PCCA: variants seen among roughly 807,000 people sequenced by gnomAD.
PCCA encodes propionyl-CoA carboxylase subunit alpha.
PCCA carries 74 observed loss-of-function variants against 101.3 expected under a neutral mutation model. The ratio of observed to expected loss-of-function variants is 0.73; its 90% CI spans 0.61 to 0.89. The LOEUF is 0.89. Among genes scored for constraint, PCCA ranks in the 40% least tolerant of loss-of-function variants. The pLI is 0.00. For missense variants in PCCA, 891 were observed against 907.0 expected, an observed-to-expected ratio of 0.98 and a Z score of 0.23; for synonymous variants, 294 against 313.6, an observed-to-expected ratio of 0.94 and a Z score of 0.66.
At chr13:100,312,594 A>G (rs1469118249) in intron 16 of PCCA, among the ~76,000 whole-genome samples, 2 of 152,228 alleles carry the variant, frequency 1.3e-5, no homozygotes, top group Non-Finnish European at 1.5e-5. Flanking sequence ...TCTTTCCTAT[A>G]GAGTTAAAAA....
At chr13:100,189,194 A>G (rs1341886783) in intron 6 of PCCA, among the ~76,000 whole-genome samples, 1 of 152,222 alleles carries the variant, frequency 6.6e-6, no homozygotes, top group African/African-American at 2.4e-5. Context: ...AGCTTCATCC[A>G]TGTCCCTGCA....
intron 19 of PCCA, among the ~76,000 whole-genome samples, chr13:100,418,083 C>G (rs1331557613): frequency 6.6e-6 from 1 of 152,184 alleles, no homozygotes; most frequent in Admixed American, 6.5e-5. Flanking sequence ...TATTTTCTCT[C>G]CATCCACAGA....
chr13:100,237,148 G>A (rs1249456383), intron 8 of PCCA: 1 of 152,220 alleles, frequency 6.6e-6, no homozygotes, highest in Admixed American at 6.5e-5. Context: ...TATTGGTCTG[G>A]AAGTGATCAC....
At chr13:100,327,806 T>C (rs954552032) in intron 16 of PCCA, among the ~76,000 whole-genome samples, 11 of 152,374 alleles carry the variant, frequency 7.2e-5, no homozygotes, top group African/African-American at 2.6e-4. Flanking sequence ...ATAATGATGT[T>C]GAACAATTTT....
At chr13:100,159,834 A>G (rs1030116267) in intron 6 of PCCA, among the ~76,000 whole-genome samples, 2 of 152,050 alleles carry the variant, frequency 1.3e-5, no homozygotes, top group Non-Finnish European at 2.9e-5. Context: ...CCTCCCACCC[A>G]CCGTGTCTAA....
At position 100,329,156 on chromosome 13, in the gene PCCA, C is replaced by T. The variant is rs117280695; in HGVS notation, c.1430-1405C>T. On this transcript the variant is annotated intron_variant, in intron 16 of 23. Transcript: ENST00000376285. Reference sequence around the variant, plus strand: ...CTTAAATAAATATGGTTATGTTATACATCATTTTAATGTACATTTCTCGCT... The same window carrying T: ...CTTAAATAAATATGGTTATGTTATATATCATTTTAATGTACATTTCTCGCT... Among the ~76,000 whole-genome samples, 1,142 of 152,154 alleles carry T rather than the reference C, an allele frequency of 7.5e-3. 7 individuals are homozygous for T. The highest frequency in any genetic ancestry group is 0.013 in the Non-Finnish European group (879 of 67,998).
intron 1 of PCCA, among the ~76,000 whole-genome samples, chr13:100,098,721 G>C (rs1266747328): frequency 1.3e-5 from 2 of 152,168 alleles, no homozygotes; most frequent in Non-Finnish European, 2.9e-5. Context: ...GACATGTATA[G>C]TTTCCTGGTG....
intron 20 of PCCA, among the ~76,000 whole-genome samples, chr13:100,434,588 C>G (rs2079794434): frequency 6.6e-6 from 1 of 152,190 alleles, no homozygotes. Context: ...CTGCAGAACA[C>G]TTAATGCCTC....
At chr13:100,156,143 C>T (rs954082310) in intron 5 of PCCA, among the ~76,000 whole-genome samples, 25 of 152,196 alleles carry the variant, frequency 1.6e-4, no homozygotes, top group African/African-American at 4.6e-4. Flanking sequence ...TCTTGGCTCA[C>T]TGCAACCTCT....
intron 20 of PCCA, among the ~76,000 whole-genome samples, chr13:100,440,115 C>A (rs1415450287): frequency 7.2e-6 from 1 of 137,948 alleles, no homozygotes; most frequent in East Asian, 2.3e-4. Flanking sequence ...TGAAGAATAC[C>A]AGATTAAATG....
intron 19 of PCCA, among the ~76,000 whole-genome samples, chr13:100,382,689 A>T (rs568558500): frequency 2.6e-5 from 4 of 152,212 alleles, no homozygotes; most frequent in African/African-American, 9.6e-5. Context: ...TCTTTGGTCT[A>T]CTATTTTTAC....
chr13:100,296,335 G>C (rs1284990370), intron 12 of PCCA, among the ~76,000 whole-genome samples: 1 of 151,712 alleles, frequency 6.6e-6, no homozygotes, highest in Non-Finnish European at 1.5e-5. Flanking sequence ...CGACTTCCTG[G>C]GTTCAGGTGA....
chr13:100,145,587 G>T (rs1439459781), intron 4 of PCCA, among the ~76,000 whole-genome samples: 1 of 152,138 alleles, frequency 6.6e-6, no homozygotes, highest in Admixed American at 6.5e-5. Flanking sequence ...ATAACGGTAG[G>T]GCGCAGTGGC....
intron 21 of PCCA, among the ~76,000 whole-genome samples, chr13:100,493,468 C>G (rs758401024): frequency 5.9e-5 from 9 of 152,136 alleles, no homozygotes; most frequent in Non-Finnish European, 7.4e-5. Context: ...CAGAGTACGT[C>G]CGAGCTCCAC....
chr13:100,361,407 G>T (rs2074577026), intron 18 of PCCA, among the ~76,000 whole-genome samples: 1 of 151,206 alleles, frequency 6.6e-6, no homozygotes, highest in African/African-American at 2.4e-5. Context: ...ATTCTGTTGA[G>T]TTTTTGTCAA....
At chr13:100,488,645 T>G (rs1333818008) in intron 21 of PCCA, among the ~76,000 whole-genome samples, 1 of 59,438 alleles carries the variant, frequency 1.7e-5, no homozygotes, top group Non-Finnish European at 3.0e-5. Context: ...TTTTTTTTTG[T>G]TTTTTTTTTT....
At chr13:100,233,055 C>T (rs188675159) in intron 7 of PCCA, among the ~76,000 whole-genome samples, 2 of 152,282 alleles carry the variant, frequency 1.3e-5, no homozygotes, top group Non-Finnish European at 2.9e-5. Context: ...CTTATTAAAA[C>T]ACCACCAACG....
chr13:100,455,761 G>T (rs2081661065), intron 21 of PCCA, among the ~76,000 whole-genome samples: 2 of 151,934 alleles, frequency 1.3e-5, no homozygotes, highest in Non-Finnish European at 2.9e-5. Context: ...GTGCAGTAGT[G>T]CAGTCTTGGC....
At chr13:100,196,428 T>C (rs192608584) in intron 6 of PCCA, among the ~76,000 whole-genome samples, 1 of 152,334 alleles carries the variant, frequency 6.6e-6, no homozygotes, top group Non-Finnish European at 1.5e-5. Flanking sequence ...TAAAATATAC[T>C]TAAGTGGGAA....
Sources: allele counts gnomAD v4.1 joint callset (sites outside exome capture counted in the v4.1 genomes callset), GRCh38; gene constraint gnomAD v4.1.1; transcripts MANE v1.5; gene names NCBI Gene and HGNC (gene_info 2026-07-23, HGNC 2026-07-21).